The following SLC44A5 variants were observed in gnomAD, a reference collection of about 807,000 sequenced individuals.
SLC44A5 encodes the protein choline transporter-like protein 5.
SLC44A5 carries 57 observed loss-of-function variants against 101.8 expected under a neutral mutation model. The ratio of observed to expected loss-of-function variants is 0.56; its 90% CI spans 0.45 to 0.70. The LOEUF (loss-of-function observed/expected upper bound fraction) is 0.70, where lower values mean the gene tolerates loss of function less well. SLC44A5 is among the 30% of genes least tolerant of loss of function. The probability of loss-of-function intolerance (pLI) is 0.00; values close to 1 mark genes in which losing one functional copy is unlikely to be tolerated. For synonymous variants in SLC44A5, 281 were observed against 290.9 expected, an observed-to-expected ratio of 0.97 and a Z score of 0.35; for missense variants, 737 against 853.1, an observed-to-expected ratio of 0.86 and a Z score of 1.70.
the SLC44A5 span, among the ~76,000 whole-genome samples, chr1:75,622,295 A>G: frequency 1.3e-5 from 2 of 152,218 alleles, no homozygotes; most frequent in African/African-American, 4.8e-5. Context: ...CAAAGTACCC[A>G]TAACACTACT....
At chr1:75,245,423 G>C (rs1014508259) in intron 7 of SLC44A5, among the ~76,000 whole-genome samples, 1 of 152,058 alleles carries the variant, frequency 6.6e-6, no homozygotes, top group African/African-American at 2.4e-5. Flanking sequence ...ATTCTGATTG[G>C]AGCCAAGCTG....
intron 1 of SLC44A5, among the ~76,000 whole-genome samples, chr1:75,560,607 T>G (rs1344922469): frequency 2.0e-5 from 3 of 152,172 alleles, no homozygotes; most frequent in Non-Finnish European, 4.4e-5. Flanking sequence ...ATAAAGCAGT[T>G]TTTACAAAAG....
At chr1:75,650,386 G>A in the SLC44A5 span, among the ~76,000 whole-genome samples, 8 of 152,068 alleles carry the variant, frequency 5.3e-5, no homozygotes, top group Non-Finnish European at 8.8e-5. Flanking sequence ...CTTTATTTTG[G>A]GAAGGCACAA....
At chr1:75,556,271 A>G (rs1672212672) in intron 1 of SLC44A5, among the ~76,000 whole-genome samples, 1 of 152,128 alleles carries the variant, frequency 6.6e-6, no homozygotes, top group Non-Finnish European at 1.5e-5. Flanking sequence ...AAAACTTACT[A>G]AACTAATCTA....
At chr1:75,356,983 T>C (rs1397024901) in intron 3 of SLC44A5, among the ~76,000 whole-genome samples, 1 of 152,160 alleles carries the variant, frequency 6.6e-6, no homozygotes, top group Non-Finnish European at 1.5e-5. Flanking sequence ...TGCTATGATG[T>C]TTGCACAACA....
chr1:75,338,133 C>T (rs774401617), intron 4 of SLC44A5, among the ~76,000 whole-genome samples: 3 of 152,246 alleles, frequency 2.0e-5, no homozygotes, highest in South Asian at 2.1e-4. Flanking sequence ...GGATTGAAGG[C>T]AGAGGAAGGT....
intron 2 of SLC44A5, among the ~76,000 whole-genome samples, chr1:75,531,635 T>G (rs1344285899): frequency 6.6e-6 from 1 of 152,186 alleles, no homozygotes; most frequent in Non-Finnish European, 1.5e-5. Context: ...CGTGTCACAC[T>G]TTGACAAAGC....
At chr1:75,541,887 A>G (rs1350163855) in intron 1 of SLC44A5, among the ~76,000 whole-genome samples, 1 of 151,986 alleles carries the variant, frequency 6.6e-6, no homozygotes, top group Non-Finnish European at 1.5e-5. Flanking sequence ...TTTATGTTTT[A>G]TGTTTTGCTG....
chr1:75,583,924 G>C (rs1673848367), intron 1 of SLC44A5, among the ~76,000 whole-genome samples: 1 of 152,232 alleles, frequency 6.6e-6, no homozygotes, highest in Non-Finnish European at 1.5e-5. Flanking sequence ...CCAATTTTCA[G>C]TAATTCCTAT....
At chr1:75,490,184 C>G (rs746214275) in intron 2 of SLC44A5, among the ~76,000 whole-genome samples, 13 of 152,088 alleles carry the variant, frequency 8.5e-5, no homozygotes, top group Non-Finnish European at 1.8e-4. Flanking sequence ...CTGATGTTCT[C>G]ATATCTCAGC....
chr1:75,568,694 T>G (rs543504287), intron 1 of SLC44A5, among the ~76,000 whole-genome samples: 1 of 152,314 alleles, frequency 6.6e-6, no homozygotes, highest in East Asian at 1.9e-4. Context: ...ACCACAATGA[T>G]GCAGACTGAA....
the SLC44A5 span, among the ~76,000 whole-genome samples, chr1:75,644,842 A>G: frequency 1.6e-5 from 2 of 123,988 alleles, no homozygotes; most frequent in African/African-American, 6.3e-5. Flanking sequence ...TCCTGTGTCC[A>G]AGTGTTATTG....
chr1:75,702,956 T>C, the SLC44A5 span, among the ~76,000 whole-genome samples: 1 of 151,666 alleles, frequency 6.6e-6, no homozygotes, highest in African/African-American at 2.4e-5. Flanking sequence ...AAAACCACAA[T>C]GAGATACCAC....
intron 19 of SLC44A5, among the ~76,000 whole-genome samples, chr1:75,215,402 T>C (rs925175711): frequency 2.6e-5 from 4 of 152,066 alleles, no homozygotes; most frequent in Admixed American, 1.3e-4. Context: ...ATTCCAGAAT[T>C]AGAAAGTATT....
chr1:75,516,390 G>A (rs1034634798), intron 2 of SLC44A5, among the ~76,000 whole-genome samples: 4 of 152,076 alleles, frequency 2.6e-5, no homozygotes, highest in South Asian at 2.1e-4. Flanking sequence ...GGTGGCGGGC[G>A]CCTGTAGTCC....
intron 2 of SLC44A5, among the ~76,000 whole-genome samples, chr1:75,403,537 G>A (rs1662642618): frequency 1.3e-5 from 2 of 152,130 alleles, no homozygotes; most frequent in African/African-American, 4.8e-5. Context: ...AGCCTCCTCT[G>A]GTGATACCCA....
chr1:75,486,341 T>C (rs1668147329), intron 2 of SLC44A5, among the ~76,000 whole-genome samples: 1 of 152,218 alleles, frequency 6.6e-6, no homozygotes, highest in Non-Finnish European at 1.5e-5. Context: ...CATATGTCTG[T>C]GTGTGTAGAG....
intron 1 of SLC44A5, among the ~76,000 whole-genome samples, chr1:75,570,031 A>G (rs552622406): frequency 3.9e-5 from 6 of 152,270 alleles, no homozygotes; most frequent in African/African-American, 1.4e-4. Context: ...AGTTATCCCA[A>G]CAGAAGGAAA....
rs1054202659 is a variant in SLC44A5, at chr1:75,202,435, C to G, written c.*1292G>C. On this transcript the variant is annotated 3_prime_UTR_variant, in exon 24 of 24. Transcript: ENST00000370859. ...ATTATCATTATATGATTGACATTCT[C>G]TTAGGGTGAATACTTTTCTGGACTC... The G allele has an allele frequency of 3.9e-5, 6 of 152,158 alleles. No homozygotes were observed. Among genetic ancestry groups the G allele is most frequent in the African/African-American group, 1.4e-4 (6 of 41,446 alleles). 9.4% of individuals were successfully genotyped at this position (152,158 alleles called of 1,614,324 possible). A position where few individuals can be genotyped will look rare whatever the true frequency, so the allele number is the denominator to read the frequency against.
Sources: allele counts gnomAD v4.1 joint callset (sites outside exome capture counted in the v4.1 genomes callset), GRCh38; gene constraint gnomAD v4.1.1; transcripts MANE v1.5; gene names NCBI Gene and HGNC (gene_info 2026-07-23, HGNC 2026-07-21).